Variants in USP24 observed in about 807,000 individuals in gnomAD.
The protein encoded by USP24 is ubiquitin specific peptidase 24.
USP24 carries 97 observed loss-of-function variants against 361.6 expected under a neutral mutation model. That is an observed-to-expected ratio of 0.27 (90% confidence interval 0.23 to 0.32). The LOEUF (loss-of-function observed/expected upper bound fraction) is 0.32, where lower values mean the gene tolerates loss of function less well. Among genes scored for constraint, USP24 ranks in the 10% least tolerant of loss-of-function variants. The pLI, the probability that USP24 is intolerant of heterozygous loss-of-function variation, is 1.00. For synonymous variants in USP24, 1,098 were observed against 1,124.6 expected, an observed-to-expected ratio of 0.98 and a Z score of 0.47; for missense variants, 2,353 against 3,165.6, an observed-to-expected ratio of 0.74 and a Z score of 6.16.
chr1:55,140,925 T>C (rs1202381999), intron 24 of USP24, among the ~76,000 whole-genome samples: 1 of 152,210 alleles, frequency 6.6e-6, no homozygotes, highest in Non-Finnish European at 1.5e-5. Flanking sequence ...GTGAAATCTG[T>C]TATCAGAGAA....
intron 26 of USP24, 95 bp from the exon 27 acceptor site, chr1:55,137,999 C>T (rs563003714): frequency 8.1e-7 from 1 of 1,231,254 alleles, no homozygotes; most frequent in East Asian, 2.5e-5. Context: ...GGGCACTGTT[C>T]TAGAAGCTGG....
rs1234296881 is a variant in USP24, at chr1:55,107,280, T to C, written c.4721A>G (p.Lys1574Arg). Residue 1574 changes from lysine (K) to arginine (R), a missense_variant, in exon 40 of 68, where the codon AAG becomes AGG. Physicochemically the swap from Lys to Arg is conservative, Grantham distance 26. Coordinates refer to ENST00000294383, the MANE Select transcript of USP24 (RefSeq NM_015306.3). ...ILLAGHLRLI[K>R]TLLSLCGAEK... ...TGCCCCACAGAGTGAAAGAAGGGTC[T>C]TGATGAGGCGTAAGTGCCCTGCCAG... 3 of 1,613,768 alleles carry C rather than the reference T, an allele frequency of 1.9e-6. No individual in the cohort carries two copies. The highest frequency in any genetic ancestry group is 2.2e-5 in the East Asian group (1 of 44,876).
intron 19 of USP24, 99 bp from the exon 20 acceptor site, chr1:55,146,208 T>C (rs766015051): frequency 3.4e-5 from 26 of 760,920 alleles, no homozygotes; most frequent in African/African-American, 3.4e-4. Flanking sequence ...ATACTTCAAA[T>C]GTTTATACTG....
intron 1 of USP24, among the ~76,000 whole-genome samples, chr1:55,193,866 T>C (rs1257183091): frequency 3.3e-5 from 5 of 152,208 alleles, no homozygotes; most frequent in African/African-American, 1.2e-4. Context: ...ACATTTCTTA[T>C]GGTCACTTGC....
intron 54 of USP24, 67 bp from the exon 55 acceptor site, chr1:55,089,807 C>G (rs911455180): frequency 1.3e-5 from 14 of 1,088,028 alleles, no homozygotes; most frequent in Middle Eastern, 4.1e-4. Flanking sequence ...ATGCAGTGCA[C>G]TCTTGTTGGT....
chr1:55,151,590 T>G (rs1557640593), intron 16 of USP24, among the ~76,000 whole-genome samples: 1 of 148,630 alleles, frequency 6.7e-6, no homozygotes, highest in Middle Eastern at 3.2e-3. Context: ...AAAAATGAGG[T>G]TTTTTTTTGG....
At chr1:55,168,153 G>A (rs1307658139) in intron 5 of USP24, among the ~76,000 whole-genome samples, 2 of 152,188 alleles carry the variant, frequency 1.3e-5, no homozygotes, top group Admixed American at 6.5e-5. Flanking sequence ...TGAAAGCCAA[G>A]CAAGAAATAT....
At chr1:55,086,079 T>C (rs373435578) in intron 55 of USP24, 41 bp from the exon 56 acceptor site, 1 of 1,585,856 alleles carries the variant, frequency 6.3e-7, no homozygotes, top group Non-Finnish European at 8.7e-7. Flanking sequence ...GCAAGATACA[T>C]TTCCACAACC....
At chr1:55,170,909 A>C (rs1292567044) in intron 5 of USP24, among the ~76,000 whole-genome samples, 1 of 152,220 alleles carries the variant, frequency 6.6e-6, no homozygotes, top group Non-Finnish European at 1.5e-5. Context: ...ACTTAGAATA[A>C]TGCCAGACAC....
rs540372521 is a variant in USP24 at position 55,187,817 on chromosome 1, T to C, written c.325-9685A>G. 7.9e-5 allele frequency among the ~76,000 whole-genome samples: 12 copies of C among 152,308 alleles called. No individual in the cohort carries two copies. In the South Asian group the frequency reaches 1.9e-3, roughly 24 times the overall value. Reference sequence around the variant, plus strand: ...CAAAAAGACATCCTATGTTCATAGATTGGAACTTAAAACTGTTAAGATAAC... The same window carrying C: ...CAAAAAGACATCCTATGTTCATAGACTGGAACTTAAAACTGTTAAGATAAC... On this transcript the variant is annotated intron_variant, in intron 1 of 67. Transcript: ENST00000294383.
chr1:55,174,609 T>G (rs1477381922), intron 3 of USP24, among the ~76,000 whole-genome samples: 1 of 152,212 alleles, frequency 6.6e-6, no homozygotes, highest in Non-Finnish European at 1.5e-5. Flanking sequence ...AGTTAGAGTA[T>G]TATATTCCAA....
At chr1:55,097,325 A>G (rs1322133641) in intron 48 of USP24, among the ~76,000 whole-genome samples, 153 bp from the exon 49 acceptor site, 3 of 152,208 alleles carry the variant, frequency 2.0e-5, no homozygotes, top group African/African-American at 7.2e-5. Flanking sequence ...AGAAATGTTA[A>G]GTCTGGGAAC....
Position 55,075,508 on chromosome 1 carries a change from T to C in USP24, c.7396A>G (p.Ile2466Val), listed in dbSNP as rs1483732458. 14 of 1,600,380 alleles carry C rather than the reference T, an allele frequency of 8.7e-6. No homozygotes were observed. The highest frequency in any genetic ancestry group is 2.7e-5 in the African/African-American group (2 of 74,738). The stretch of plus-strand genomic sequence containing the variant: ...ACAAATTTGACTCGCTCTACTTGTA[T>C]AGGATCTTCAATAACCTGGGAAAGG... ...LHEILVIEDP[I>V]QVERVKFVFE... The change falls in exon 63 of 68, where the codon ATA (isoleucine) becomes GTA (valine). Residue 2466 changes from isoleucine (I) to valine (V), a missense_variant. This residue lies in a region of USP24 where 598 missense variants were observed against 761.9 expected (regional missense o/e 0.78). Coordinates refer to ENST00000294383, the MANE Select transcript of USP24 (RefSeq NM_015306.3).
At chr1:55,192,151 ATATT>A (rs3072974) in intron 1 of USP24, among the ~76,000 whole-genome samples, 69,856 of 151,664 alleles carry the variant, frequency 0.46, 17,569 homozygotes, top group Non-Finnish European at 0.57. Context: ...AGAGAGTTTA[ATATT>A]TATTTAGAAA....
At chr1:55,180,244 C>CGTGG (rs2100832893) in intron 1 of USP24, among the ~76,000 whole-genome samples, 1 of 152,218 alleles carries the variant, frequency 6.6e-6, no homozygotes, top group Non-Finnish European at 1.5e-5. Context: ...GTGCATGCCT[C>CGTGG]GGTGAATAGA....
chr1:55,149,419 G>C (rs533331907), intron 16 of USP24, among the ~76,000 whole-genome samples: 1 of 152,246 alleles, frequency 6.6e-6, no homozygotes, highest in East Asian at 1.9e-4. Flanking sequence ...ATGCCTCCTT[G>C]TTCTATTGAG....
chr1:55,177,526 T>C (rs1569594351), intron 2 of USP24, among the ~76,000 whole-genome samples: 1 of 151,904 alleles, frequency 6.6e-6, no homozygotes, highest in East Asian at 1.9e-4. Context: ...CTTTTTTTAG[T>C]ACAGGTGTTC....
chr1:55,172,554 C>T lies in USP24; in HGVS notation c.559-34G>A, dbSNP rs372718323. Reference sequence around the variant, plus strand: ...ACATAAAGGGCAATCTAGAGTCTAACTTGAAAAAAGAAAATAAATCTACAG... The same window carrying T: ...ACATAAAGGGCAATCTAGAGTCTAATTTGAAAAAAGAAAATAAATCTACAG... On this transcript the variant is annotated intron_variant, in intron 3 of 67. Coordinates refer to ENST00000294383, the MANE Select transcript of USP24 (RefSeq NM_015306.3). 705 of 1,565,648 alleles carry T rather than the reference C, an allele frequency of 4.5e-4. 3 individuals are homozygous for T. The highest frequency in any genetic ancestry group is 5.3e-4 in the Non-Finnish European group (618 of 1,159,476).
intron 64 of USP24, 156 bp from the exon 65 acceptor site, chr1:55,073,017 G>A: frequency 4.4e-6 from 3 of 685,456 alleles, no homozygotes; most frequent in Non-Finnish European, 7.0e-6. Context: ...AATTCATGGA[G>A]ACAGAAATTA....
Sources: allele counts gnomAD v4.1 joint callset (sites outside exome capture counted in the v4.1 genomes callset), GRCh38; gene constraint gnomAD v4.1.1; regional missense constraint gnomAD v4.1.1; transcripts MANE v1.5; gene names NCBI Gene and HGNC (gene_info 2026-07-23, HGNC 2026-07-21).